The following WDFY2 variants were observed in gnomAD, a reference collection of about 807,000 sequenced individuals.
The protein encoded by WDFY2 is WD repeat and FYVE domain-containing protein 2.
Under a neutral mutation model 56.4 loss-of-function variants are expected in WDFY2, and 36 were observed. The ratio of observed to expected loss-of-function variants is 0.64; its 90% confidence interval spans 0.49 to 0.84. The LOEUF (loss-of-function observed/expected upper bound fraction) is 0.84, where lower values mean the gene tolerates loss of function less well. WDFY2 is among the 40% of genes least tolerant of loss of function. WDFY2 has a pLI of 0.00. For synonymous variants in WDFY2, 176 were observed against 183.7 expected (o/e 0.96, Z 0.34); for missense variants, 444 against 512.2 (o/e 0.87, Z 1.29).
chr13:51,712,328 A>G (rs1214810885), intron 4 of WDFY2, among the ~76,000 whole-genome samples: 6 of 152,110 alleles, frequency 3.9e-5, no homozygotes, highest in Non-Finnish European at 8.8e-5. Flanking sequence ...GGATAACATT[A>G]GGAGAAATAA....
intron 1 of WDFY2, among the ~76,000 whole-genome samples, chr13:51,623,985 T>G (rs1954792423): frequency 1.3e-5 from 2 of 152,206 alleles, no homozygotes; most frequent in South Asian, 4.1e-4. Flanking sequence ...TGTTCCCAGT[T>G]TTGCTCAGCA....
rs1214745160 is a variant in WDFY2, at chr13:51,719,067, G to A, written c.335-131G>A. On this transcript the variant is annotated intron_variant, in intron 4 of 11. Transcript: ENST00000298125. Reference sequence around the variant, plus strand: ...CCCACGAGAACCACTGTTCTACCTTGTCCTTAAAATGGTTCTGCTGTTCAG... The same window carrying A: ...CCCACGAGAACCACTGTTCTACCTTATCCTTAAAATGGTTCTGCTGTTCAG... The A allele has an allele frequency of 6.3e-6, 8 of 1,273,644 alleles. No homozygotes were observed. In the African/African-American group the frequency reaches 1.2e-4, roughly 19 times the overall value. 78.9% of individuals were successfully genotyped at this position (1,273,644 alleles called of 1,614,324 possible).
rs559902464 is a variant in WDFY2, at chr13:51,666,299, T to C, written c.205+5636T>C. On this transcript the variant is annotated intron_variant, in intron 2 of 11. Transcript: ENST00000298125. The stretch of plus-strand genomic sequence containing the variant: ...GATGTGTACATTATATGAAGTGCTT[T>C]ATGGCTGTTTTTGAAGTAATCATCT... 1.1e-4 allele frequency among the ~76,000 whole-genome samples: 16 copies of C among 152,364 alleles called. No individual in the cohort carries two copies. The South Asian group carries it at 1.2e-3, about 12-fold the overall frequency.
intron 1 of WDFY2, among the ~76,000 whole-genome samples, chr13:51,641,009 A>T (rs1377953553): frequency 6.6e-6 from 1 of 152,196 alleles, no homozygotes; most frequent in East Asian, 1.9e-4. Flanking sequence ...TAATTTTGTT[A>T]GTGGAAGTTA....
chr13:51,627,957 G>T (rs1954869193), intron 1 of WDFY2, among the ~76,000 whole-genome samples: 1 of 152,170 alleles, frequency 6.6e-6, no homozygotes, highest in Admixed American at 6.5e-5. Flanking sequence ...AGGGGAGGAA[G>T]TGCATGCTGA....
intron 6 of WDFY2, among the ~76,000 whole-genome samples, chr13:51,737,552 A>T (rs1203750272): frequency 5.1e-4 from 4 of 7,850 alleles, no homozygotes; most frequent in East Asian, 0.015. Flanking sequence ...CAATGAATTT[A>T]AAAAAAAAAA....
At chr13:51,654,283 T>G (rs1031701362) in intron 1 of WDFY2, among the ~76,000 whole-genome samples, 1 of 152,176 alleles carries the variant, frequency 6.6e-6, no homozygotes, top group African/African-American at 2.4e-5. Context: ...AGTGACCTGA[T>G]TTTCCATGTG....
Position 51,766,146 on chromosome 13 carries a change from C to A in WDFY2, c.*6377C>A, listed in dbSNP as rs1226691644. The stretch of plus-strand genomic sequence containing the variant: ...GCCAAAACCCTAGCGTCACTTGTAA[C>A]CATTGTACTCTTATGGATTTGTGTC... On this transcript the variant is annotated 3_prime_UTR_variant, in exon 12 of 12. Coordinates refer to ENST00000298125, the MANE Select transcript of WDFY2 (RefSeq NM_052950.4). 1 of 152,192 alleles carries A rather than the reference C, an allele frequency of 6.6e-6. No individual in the cohort carries two copies. Among genetic ancestry groups the A allele is most frequent in the African/African-American group, 2.4e-5 (1 of 41,448 alleles). 9.4% of individuals were successfully genotyped at this position (152,192 alleles called of 1,614,324 possible).
chr13:51,618,237 G>A (rs1954657616), intron 1 of WDFY2, among the ~76,000 whole-genome samples: 1 of 152,116 alleles, frequency 6.6e-6, no homozygotes, highest in South Asian at 2.1e-4. Flanking sequence ...ATTTTTTTGA[G>A]CACTGACTAT....
chr13:51,758,986 A>C (rs1953490232), intron 11 of WDFY2, among the ~76,000 whole-genome samples: 1 of 152,164 alleles, frequency 6.6e-6, no homozygotes, highest in Admixed American at 6.5e-5. Context: ...GTTCAAGACC[A>C]GCCTGGCCAC....
chr13:51,673,579 A>G (rs1955839506), intron 2 of WDFY2, among the ~76,000 whole-genome samples: 1 of 152,260 alleles, frequency 6.6e-6, no homozygotes, highest in African/African-American at 2.4e-5. Flanking sequence ...ACACAATTGT[A>G]ATCACAGTGT....
At position 51,735,835 on chromosome 13, in the gene WDFY2, T is replaced by C. The variant is rs1952822440; in HGVS notation, c.599-3214T>C. On this transcript the variant is annotated intron_variant, in intron 6 of 11. Coordinates refer to ENST00000298125, the MANE Select transcript of WDFY2 (RefSeq NM_052950.4). ...TTTACTCCCTACACCATCCTAAACTTTTTCTTGTCTTGCAGCTTTTCCTTC... is the reference window on the plus strand; with the variant it reads ...TTTACTCCCTACACCATCCTAAACTCTTTCTTGTCTTGCAGCTTTTCCTTC... Among the ~76,000 whole-genome samples the C allele has an allele frequency of 2.0e-5, 3 of 152,078 alleles. No individual in the cohort carries two copies. In the South Asian group the frequency reaches 6.2e-4, roughly 32 times the overall value.
At chr13:51,613,660 T>A (rs979129906) in intron 1 of WDFY2, among the ~76,000 whole-genome samples, 1 of 152,182 alleles carries the variant, frequency 6.6e-6, no homozygotes, top group Admixed American at 6.5e-5. Flanking sequence ...GTATAATTGT[T>A]AAGAATTCCT....
chr13:51,673,395 C>T (rs531696154), intron 2 of WDFY2, among the ~76,000 whole-genome samples: 3 of 152,200 alleles, frequency 2.0e-5, no homozygotes, highest in South Asian at 4.2e-4. Flanking sequence ...AGGCTGCAAT[C>T]GAGTTTTGCT....
chr13:51,709,978 A>G (rs567164644), intron 4 of WDFY2, among the ~76,000 whole-genome samples: 3 of 151,160 alleles, frequency 2.0e-5, no homozygotes, highest in African/African-American at 7.4e-5. Flanking sequence ...CAGAGACACA[A>G]CAAAAAAAAA....
intron 7 of WDFY2, among the ~76,000 whole-genome samples, chr13:51,740,739 C>T (rs1952952578): frequency 6.7e-6 from 1 of 150,282 alleles, no homozygotes; most frequent in Non-Finnish European, 1.5e-5. Context: ...AGCCAAAGCA[C>T]AGTTGTGTTT....
chr13:51,729,427 A>G (rs964477589), intron 6 of WDFY2, among the ~76,000 whole-genome samples: 30 of 150,938 alleles, frequency 2.0e-4, no homozygotes, highest in African/African-American at 7.1e-4. Context: ...AAAAAAAAAA[A>G]CCACATATTT....
At chr13:51,624,206 G>T (rs543546972) in intron 1 of WDFY2, among the ~76,000 whole-genome samples, 13 of 152,308 alleles carry the variant, frequency 8.5e-5, no homozygotes, top group Non-Finnish European at 1.3e-4. Flanking sequence ...CTGAAAGCGG[G>T]AGTTCAGATT....
At chr13:51,671,377 A>G (rs1363418249) in intron 2 of WDFY2, among the ~76,000 whole-genome samples, 3 of 152,192 alleles carry the variant, frequency 2.0e-5, no homozygotes, top group South Asian at 2.1e-4. Flanking sequence ...GCCAACATCT[A>G]TTATATTTTG....
Sources: gnomAD v4.1 joint callset for allele counts (sites outside exome capture counted in the v4.1 genomes callset) on GRCh38, gnomAD v4.1.1 for gene constraint, MANE v1.5 for transcripts, NCBI Gene and HGNC (gene_info 2026-07-23, HGNC 2026-07-21) for gene names.